Variants in MTUS1 observed in about 807,000 individuals in gnomAD.
MTUS1 encodes microtubule-associated tumor suppressor 1.
A neutral mutation model predicts 120.8 loss-of-function variants in MTUS1; 109 were observed. The ratio of observed to expected loss-of-function variants is 0.90; its 90% confidence interval spans 0.77 to 1.06. MTUS1 has a LOEUF of 1.06. MTUS1 is among the 50% of genes least tolerant of loss of function. MTUS1 has a pLI of 0.00. For synonymous variants in MTUS1, 737 were observed against 550.5 expected, an observed-to-expected ratio of 1.34 and a Z score of -4.74; for missense variants, 2,210 against 1,486.3, an observed-to-expected ratio of 1.49 and a Z score of -8.01.
chr8:17,725,838 A>T (rs1353274602), intron 3 of MTUS1, among the ~76,000 whole-genome samples: 1 of 152,118 alleles, frequency 6.6e-6, no homozygotes, highest in Non-Finnish European at 1.5e-5. Flanking sequence ...GCCCAAGACA[A>T]TTCTTCTTCT....
intron 1 of MTUS1, among the ~76,000 whole-genome samples, chr8:17,766,908 G>A (rs1313275407): frequency 6.6e-6 from 1 of 152,000 alleles, no homozygotes; most frequent in South Asian, 2.1e-4. Context: ...TGATAGTGCA[G>A]AGTTAATGGA....
intron 1 of MTUS1, among the ~76,000 whole-genome samples, chr8:17,793,480 T>C (rs1350939470): frequency 2.0e-5 from 3 of 152,324 alleles, no homozygotes; most frequent in Middle Eastern, 3.4e-3. Context: ...GCTGTGACTA[T>C]CTGACAAAAG....
At chr8:17,673,867 A>C (rs1296061329) in intron 8 of MTUS1, among the ~76,000 whole-genome samples, 1 of 152,220 alleles carries the variant, frequency 6.6e-6, no homozygotes, top group Non-Finnish European at 1.5e-5. Flanking sequence ...GGTCTTGTCC[A>C]AAAGAAAAAA....
intron 8 of MTUS1, among the ~76,000 whole-genome samples, chr8:17,662,161 C>T (rs182145078): frequency 5.6e-4 from 85 of 152,090 alleles, no homozygotes; most frequent in African/African-American, 2.0e-3. Flanking sequence ...TGCTCTCACT[C>T]CTATCCTCAG....
At chr8:17,795,072 T>C (rs1033916776) in intron 1 of MTUS1, among the ~76,000 whole-genome samples, 3 of 152,242 alleles carry the variant, frequency 2.0e-5, no homozygotes, top group African/African-American at 7.2e-5. Context: ...GAAATATTGA[T>C]TCTTTTCATC....
At chr8:17,707,915 G>C (rs916071868) in intron 6 of MTUS1, among the ~76,000 whole-genome samples, 1 of 152,122 alleles carries the variant, frequency 6.6e-6, no homozygotes, top group African/African-American at 2.4e-5. Flanking sequence ...GTGCAAAAAA[G>C]AATTAGACCT....
chr8:17,779,791 G>T (rs1423795403), intron 1 of MTUS1, among the ~76,000 whole-genome samples: 2 of 152,182 alleles, frequency 1.3e-5, no homozygotes, highest in Admixed American at 6.5e-5. Context: ...TTGGAGGGGG[G>T]GCGGGGGCAG....
chr8:17,799,517 C>T (rs938286347), intron 1 of MTUS1, among the ~76,000 whole-genome samples: 1 of 152,108 alleles, frequency 6.6e-6, no homozygotes, highest in Admixed American at 6.6e-5. Flanking sequence ...TTTTATACAG[C>T]AAGCACGGAT....
chr8:17,647,951 C>G (rs1010840743), intron 13 of MTUS1, among the ~76,000 whole-genome samples: 1 of 152,136 alleles, frequency 6.6e-6, no homozygotes, highest in Non-Finnish European at 1.5e-5. Context: ...CTTAAGACAT[C>G]CTGTTATCCA....
At position 17,754,666 on chromosome 8, in the gene MTUS1, G is replaced by A. The variant is rs531238439; in HGVS notation, c.1142C>T (p.Ser381Phe). The change falls in exon 2 of 15, where the codon TCC becomes TTC. Residue 381 changes from serine (S) to phenylalanine (F), a missense_variant. By Grantham distance (155) the Ser-to-Phe change is radical. Transcript: ENST00000693296. ...VTETEDTQMV[S>F]KGKDLGTQNH... ...TTGGGTTCCCAAATCCTTTCCTTTG[G>A]AGACCATTTGTGTGTCTTCAGTCTC... The A allele has an allele frequency of 8.7e-6, 14 of 1,614,162 alleles. No individual in the cohort carries two copies. In the African/African-American group the frequency reaches 1.1e-4, roughly 12 times the overall value.
upstream of MTUS1, chr8:17,801,498 C>G (rs2052671924): frequency 7.1e-6 from 1 of 140,186 alleles, no homozygotes; most frequent in Non-Finnish European, 1.5e-5. Flanking sequence ...CTCCCGCTCT[C>G]CGCTCCCGCT....
At chr8:17,722,813 C>T (rs1322787520) in intron 4 of MTUS1, among the ~76,000 whole-genome samples, 1 of 152,130 alleles carries the variant, frequency 6.6e-6, no homozygotes, top group African/African-American at 2.4e-5. Flanking sequence ...TAAAGTACTG[C>T]TCCACACCCA....
chr8:17,749,856 C>T (rs1184884950), intron 2 of MTUS1, among the ~76,000 whole-genome samples: 1 of 152,096 alleles, frequency 6.6e-6, no homozygotes, highest in East Asian at 1.9e-4. Flanking sequence ...GGCCCATCTT[C>T]TCAGGATCTC....
chr8:17,657,412 CA>C (rs1185104142), intron 8 of MTUS1, among the ~76,000 whole-genome samples: 3 of 150,746 alleles, frequency 2.0e-5, no homozygotes, highest in African/African-American at 7.3e-5. Context: ...ACTAAAAATA[CA>C]AAAAATTAGC....
In MTUS1 at chr8:17,720,674, A is replaced by G. The variant is rs563147462; in HGVS notation, c.2449+2998T>C. Among the ~76,000 whole-genome samples, 141 of 152,290 alleles carry G rather than the reference A, an allele frequency of 9.3e-4. 2 individuals are homozygous for G. The South Asian group carries it at 0.028, about 30-fold the overall frequency. On this transcript the variant is annotated intron_variant, in intron 4 of 14. Transcript: ENST00000693296. ...ACACTCTCCCAAGACCCCCTTCTAA[A>G]TTGCACAATAGTCCCCAAATCTTCA...
At position 17,746,895 on chromosome 8, in the gene MTUS1, C is replaced by T. The variant is rs370745694; in HGVS notation, c.2092-3096G>A. On this transcript the variant is annotated intron_variant, in intron 2 of 14. Coordinates refer to ENST00000693296, the MANE Select transcript of MTUS1 (RefSeq NM_001363059.2). ...ATTAATCTTACTTTCCTATCTATCT[C>T]AAAACTTATCTCTTCCTGTATTCAC... Among the ~76,000 whole-genome samples the T allele has an allele frequency of 3.3e-5, 5 of 152,276 alleles. No homozygotes were observed. The East Asian group carries it at 5.8e-4, about 18-fold the overall frequency.
chr8:17,789,278 G>A (rs185558464), intron 1 of MTUS1, among the ~76,000 whole-genome samples: 3 of 152,166 alleles, frequency 2.0e-5, no homozygotes, highest in South Asian at 2.1e-4. Context: ...TGATCTGCCC[G>A]CCTTGGCCTC....
intron 1 of MTUS1, among the ~76,000 whole-genome samples, chr8:17,768,679 T>G (rs2049764693): frequency 6.6e-6 from 1 of 152,046 alleles, no homozygotes; most frequent in South Asian, 2.1e-4. Context: ...AGTCAAAAAT[T>G]ATCAAGTGAC....
chr8:17,762,330 C>A (rs2049109931), intron 1 of MTUS1, among the ~76,000 whole-genome samples: 1 of 152,140 alleles, frequency 6.6e-6, no homozygotes, highest in Non-Finnish European at 1.5e-5. Context: ...AAAATGTCAT[C>A]AGCAGCATGT....
Sources: gnomAD v4.1 joint callset for allele counts (sites outside exome capture counted in the v4.1 genomes callset) on GRCh38, gnomAD v4.1.1 for gene constraint, MANE v1.5 for transcripts, NCBI Gene and HGNC (gene_info 2026-07-23, HGNC 2026-07-21) for gene names.